FAT3: variants seen among roughly 807,000 people sequenced by gnomAD.
The protein encoded by FAT3 is FAT atypical cadherin 3.
FAT3 carries 95 observed loss-of-function variants against 310.2 expected under a neutral mutation model. The ratio of observed to expected loss-of-function variants is 0.31; its 90% CI spans 0.26 to 0.36. FAT3 has a LOEUF of 0.36. FAT3 is among the 10% of genes least tolerant of loss of function. The pLI is 1.00. For missense variants in FAT3, 5,408 were observed against 5,715.6 expected (o/e 0.95, Z 1.74); for synonymous variants, 2,314 against 2,192.9 (o/e 1.06, Z -1.54).
At chr11:92,568,812 G>C (rs986559515) in intron 3 of FAT3, among the ~76,000 whole-genome samples, 2 of 152,094 alleles carry the variant, frequency 1.3e-5, no homozygotes, top group African/African-American at 4.8e-5. Flanking sequence ...CTTCCCCTCT[G>C]CAGTCTTCCC....
At chr11:92,302,775 A>G (rs1947032735) in intron 1 of FAT3, among the ~76,000 whole-genome samples, 1 of 152,074 alleles carries the variant, frequency 6.6e-6, no homozygotes, top group Non-Finnish European at 1.5e-5. Context: ...GTGTTGATTA[A>G]TTTTCTGGTA....
At chr11:92,586,506 A>G (rs146389317) in intron 3 of FAT3, among the ~76,000 whole-genome samples, 125 of 152,146 alleles carry the variant, frequency 8.2e-4, no homozygotes, top group African/African-American at 2.8e-3. Context: ...AGTGAAGGAT[A>G]TATGAGAGTT....
chr11:92,314,421 G>A (rs1947382918), intron 1 of FAT3: 1 of 347,530 alleles, frequency 2.9e-6, no homozygotes, highest in Non-Finnish European at 4.1e-6. Flanking sequence ...TTTGGTAGAA[G>A]GGAAAGAGAA....
At chr11:92,818,534 C>T (rs1300276754) in intron 13 of FAT3, among the ~76,000 whole-genome samples, 1 of 152,112 alleles carries the variant, frequency 6.6e-6, no homozygotes, top group African/African-American at 2.4e-5. Context: ...AGACAGCACC[C>T]CTGGGTTTCT....
intron 2 of FAT3, among the ~76,000 whole-genome samples, chr11:92,407,701 C>T (rs1950162406): frequency 6.6e-6 from 1 of 152,142 alleles, no homozygotes; most frequent in Admixed American, 6.6e-5. Context: ...ACTTTGGGGT[C>T]ATAAATGGAT....
intron 3 of FAT3, among the ~76,000 whole-genome samples, chr11:92,552,914 C>G (rs969743004): frequency 1.3e-5 from 2 of 149,554 alleles, no homozygotes; most frequent in Admixed American, 1.3e-4. Context: ...CGTGCCACTG[C>G]ACTCCAGCCT....
intron 3 of FAT3, among the ~76,000 whole-genome samples, chr11:92,652,111 C>G (rs1349285274): frequency 6.6e-6 from 1 of 152,084 alleles, no homozygotes; most frequent in Non-Finnish European, 1.5e-5. Flanking sequence ...TGTTTTATGT[C>G]TTTTATATAC....
intron 19 of FAT3, among the ~76,000 whole-genome samples, chr11:92,848,490 A>G (rs1208811596): frequency 1.3e-5 from 2 of 152,192 alleles, no homozygotes; most frequent in Non-Finnish European, 2.9e-5. Flanking sequence ...ACGGCAGCCT[A>G]TGGGGCCTTG....
chr11:92,546,734 G>A (rs543135018), intron 3 of FAT3, among the ~76,000 whole-genome samples: 1 of 152,254 alleles, frequency 6.6e-6, no homozygotes, highest in South Asian at 2.1e-4. Flanking sequence ...TTTAGTGGGT[G>A]GGGAACGGGG....
intron 4 of FAT3, among the ~76,000 whole-genome samples, chr11:92,729,307 C>G (rs1054896655): frequency 2.6e-5 from 4 of 151,988 alleles, no homozygotes; most frequent in African/African-American, 9.7e-5. Context: ...AGGAAAACAG[C>G]CTGAAATTTT....
At chr11:92,793,055 A>T in intron 9 of FAT3, 78 bp downstream of exon 9, 4 of 1,431,444 alleles carry the variant, frequency 2.8e-6, no homozygotes. Flanking sequence ...ACCATGTAAA[A>T]TTCAGATCAT....
chr11:92,731,401 C>G (rs11020042), intron 4 of FAT3, among the ~76,000 whole-genome samples: 1,969 of 152,174 alleles, frequency 0.013, 47 homozygotes, highest in African/African-American at 0.044. Context: ...TATATGACCC[C>G]AAATGTTCAA....
At chr11:92,890,122 C>T (rs1373399144) in intron 27 of FAT3, among the ~76,000 whole-genome samples, 1 of 152,208 alleles carries the variant, frequency 6.6e-6, no homozygotes, top group Admixed American at 6.5e-5. Flanking sequence ...CTGTGGTCCA[C>T]AGCACAGCTG....
At chr11:92,596,405 T>C (rs1795161682) in intron 3 of FAT3, among the ~76,000 whole-genome samples, 1 of 152,172 alleles carries the variant, frequency 6.6e-6, no homozygotes, top group African/African-American at 2.4e-5. Flanking sequence ...TCAAGGACAC[T>C]CCTGGGGCTG....
intron 2 of FAT3, among the ~76,000 whole-genome samples, chr11:92,399,635 T>G (rs1223827279): frequency 6.6e-6 from 1 of 152,134 alleles, no homozygotes; most frequent in Non-Finnish European, 1.5e-5. Context: ...CCTACAGAAA[T>G]GCCTATTTTC....
chr11:92,475,826 C>A (rs1291424394), intron 2 of FAT3, among the ~76,000 whole-genome samples: 2 of 151,994 alleles, frequency 1.3e-5, no homozygotes, highest in Non-Finnish European at 2.9e-5. Flanking sequence ...GAATCATGAT[C>A]AAATATAAAT....
At position 92,304,058 on chromosome 11, in the gene FAT3, T is replaced by C. The variant is rs531926914; in HGVS notation, c.-17-48038T>C. ...GTATCTGGAAACTGTGTAATGCAGT[T>C]TTCAATCTACTGTGTAACCTTTCCA... On this transcript the variant is annotated intron_variant, in intron 1 of 27. Coordinates refer to ENST00000525166, the MANE Select transcript of FAT3 (RefSeq NM_001367949.2). Among the ~76,000 whole-genome samples, 17 of 152,244 alleles carry C rather than the reference T, an allele frequency of 1.1e-4. No individual in the cohort carries two copies. In the East Asian group the frequency reaches 2.3e-3, roughly 21 times the overall value.
intron 1 of FAT3, among the ~76,000 whole-genome samples, chr11:92,334,791 G>A (rs936427062): frequency 6.6e-6 from 1 of 152,254 alleles, no homozygotes; most frequent in African/African-American, 2.4e-5. Flanking sequence ...ACAGCCCCAG[G>A]CCAGCATATG....
At chr11:92,604,759 C>A (rs1016903673) in intron 3 of FAT3, among the ~76,000 whole-genome samples, 1 of 152,344 alleles carries the variant, frequency 6.6e-6, no homozygotes, top group African/African-American at 2.4e-5. Flanking sequence ...GAGCCCCTTC[C>A]TGGCATGGCA....
Sources: gnomAD v4.1 joint callset for allele counts (sites outside exome capture counted in the v4.1 genomes callset) on GRCh38, gnomAD v4.1.1 for gene constraint, MANE v1.5 for transcripts, NCBI Gene and HGNC (gene_info 2026-07-23, HGNC 2026-07-21) for gene names.